Variants in PCSK5 observed in about 807,000 individuals in gnomAD.
PCSK5 encodes the protein prohormone convertase 5.
PCSK5 carries 129 observed loss-of-function variants against 233.2 expected under a neutral mutation model. The observed-to-expected ratio is 0.55, with a 90% CI of 0.48 to 0.64. The LOEUF (loss-of-function observed/expected upper bound fraction) is 0.64. Among genes scored for constraint, PCSK5 ranks in the 30% least tolerant of loss-of-function variants. PCSK5 has a pLI of 0.00. For synonymous variants in PCSK5, 825 were observed against 879.2 expected, an observed-to-expected ratio of 0.94 and a Z score of 1.09; for missense variants, 2,076 against 2,430.1, an observed-to-expected ratio of 0.85 and a Z score of 3.06.
intron 32 of PCSK5, 39 bp downstream of exon 32, chr9:76,323,327 G>C (rs1337712657): frequency 8.1e-7 from 1 of 1,237,942 alleles, no homozygotes; most frequent in East Asian, 2.3e-5. Context: ...TCCGGGGTTT[G>C]CATAGTTCCA....
chr9:76,234,899 G>A (rs1352642065), intron 22 of PCSK5, among the ~76,000 whole-genome samples: 1 of 152,158 alleles, frequency 6.6e-6, no homozygotes, highest in African/African-American at 2.4e-5. Context: ...TTCTCTGGCT[G>A]ATGTCTTCCT....
intron 27 of PCSK5, among the ~76,000 whole-genome samples, chr9:76,298,665 C>T (rs970111378): frequency 6.6e-6 from 1 of 151,670 alleles, no homozygotes; most frequent in Non-Finnish European, 1.5e-5. Context: ...AAAACAGGAT[C>T]GAGAGTGTAA....
chr9:76,316,434 C>T (rs954248023), intron 30 of PCSK5, among the ~76,000 whole-genome samples: 6 of 151,736 alleles, frequency 4.0e-5, no homozygotes, highest in African/African-American at 1.5e-4. Flanking sequence ...AATTTTCATT[C>T]GATTAGAAGA....
At chr9:75,960,807 C>T (rs1050910401) in intron 2 of PCSK5, among the ~76,000 whole-genome samples, 3 of 152,106 alleles carry the variant, frequency 2.0e-5, no homozygotes, top group African/African-American at 7.2e-5. Context: ...TTATACTCTT[C>T]CAGAATTTGA....
chr9:76,104,801 T>A lies in PCSK5; in HGVS notation c.1108-2450T>A, dbSNP rs1392688749. On this transcript the variant is annotated intron_variant, in intron 8 of 37. Transcript: ENST00000674117. ...AATCTTGAATCCAGGCACAAGTCAT[T>A]GAAAAAAAATAAAACTTGGACAAAG... Among the ~76,000 whole-genome samples, 6 of 149,324 alleles carry A rather than the reference T, an allele frequency of 4.0e-5. No individual in the cohort carries two copies. In the East Asian group the frequency reaches 1.2e-3, roughly 30 times the overall value.
At chr9:75,979,876 CTA>C (rs892460459) in intron 2 of PCSK5, among the ~76,000 whole-genome samples, 10 of 152,172 alleles carry the variant, frequency 6.6e-5, no homozygotes, top group African/African-American at 2.4e-4. Context: ...TCATCAATAA[CTA>C]TGAAAGTCAG....
At chr9:76,120,485 G>T (rs1832590583) in intron 9 of PCSK5, among the ~76,000 whole-genome samples, 1 of 151,864 alleles carries the variant, frequency 6.6e-6, no homozygotes, top group African/African-American at 2.4e-5. Context: ...CTTTTTATTG[G>T]CATATTAATG....
intron 2 of PCSK5, among the ~76,000 whole-genome samples, chr9:75,961,488 C>T (rs1162664574): frequency 1.3e-5 from 2 of 152,156 alleles, no homozygotes; most frequent in Non-Finnish European, 2.9e-5. Flanking sequence ...GTGGCTAGTA[C>T]GTCTGAGGAA....
In PCSK5 at chr9:76,186,091, T is replaced by G. The variant is rs141310521; in HGVS notation, c.2282+1334T>G. On this transcript the variant is annotated intron_variant, in intron 17 of 37. Coordinates refer to ENST00000674117, the MANE Select transcript of PCSK5 (RefSeq NM_001372043.1). ...AAAGATACAGGGGAAATGAGTTTAA[T>G]AAAATATTTTATTTCACCTAATATA... Among the ~76,000 whole-genome samples the G allele has an allele frequency of 5.6e-4, 86 of 152,286 alleles. No homozygotes were observed. In the East Asian group the frequency reaches 0.013, roughly 23 times the overall value.
At chr9:76,180,033 AC>A (rs1823780163) in intron 15 of PCSK5, among the ~76,000 whole-genome samples, 1 of 148,662 alleles carries the variant, frequency 6.7e-6, no homozygotes, top group Non-Finnish European at 1.5e-5. Flanking sequence ...ACAAGTAAAA[AC>A]TGCATGTATT....
rs114178571 is a variant in PCSK5 at position 75,923,660 on chromosome 9, C to T, written c.193-8719C>T. Among the ~76,000 whole-genome samples the T allele has an allele frequency of 1.2e-3, 177 of 152,256 alleles. 1 individual carries two copies. Among genetic ancestry groups the T allele is most frequent in the African/African-American group, 4.1e-3 (172 of 41,556 alleles). On this transcript the variant is annotated intron_variant, in intron 1 of 37. Transcript: ENST00000674117. The stretch of plus-strand genomic sequence containing the variant: ...TCTACCTTGTGTTAGGTTCCTATTG[C>T]TGCTGTAACAAATTACTACACAGTT...
At chr9:75,902,427 G>T (rs955846294) in intron 1 of PCSK5, among the ~76,000 whole-genome samples, 3 of 152,044 alleles carry the variant, frequency 2.0e-5, no homozygotes, top group South Asian at 2.1e-4. Flanking sequence ...GAATAGGGTG[G>T]CCATAGCGGC....
intron 9 of PCSK5, among the ~76,000 whole-genome samples, chr9:76,116,638 T>G (rs1400835447): frequency 6.6e-6 from 1 of 152,126 alleles, no homozygotes; most frequent in East Asian, 1.9e-4. Context: ...AATGAATGCT[T>G]TATGCCAAAT....
chr9:76,230,689 C>A (rs1247235613), intron 21 of PCSK5, among the ~76,000 whole-genome samples: 2 of 152,190 alleles, frequency 1.3e-5, no homozygotes, highest in African/African-American at 2.4e-5. Context: ...TCTCCTGTCA[C>A]ATCAGCAGCA....
At chr9:76,228,234 G>T (rs1368247155) in intron 21 of PCSK5, among the ~76,000 whole-genome samples, 1 of 152,038 alleles carries the variant, frequency 6.6e-6, no homozygotes, top group Non-Finnish European at 1.5e-5. Flanking sequence ...TTGACCTCCT[G>T]CCCTCAGGTG....
chr9:76,333,228 C>A (rs149619186), intron 34 of PCSK5, among the ~76,000 whole-genome samples: 297 of 152,270 alleles, frequency 2.0e-3, no homozygotes, highest in African/African-American at 6.6e-3. Flanking sequence ...AAGGCAGAAG[C>A]AAAGCATCCT....
At chr9:76,142,195 G>A (rs1823258119) in intron 10 of PCSK5, among the ~76,000 whole-genome samples, 1 of 151,334 alleles carries the variant, frequency 6.6e-6, no homozygotes, top group African/African-American at 2.4e-5. Flanking sequence ...CTCTTTTATT[G>A]CTATCTAGTA....
At chr9:76,210,132 T>C (rs1469433111) in intron 20 of PCSK5, among the ~76,000 whole-genome samples, 1 of 152,088 alleles carries the variant, frequency 6.6e-6, no homozygotes, top group African/African-American at 2.4e-5. Context: ...AGAGTTTTTT[T>C]AGGGGAGGTC....
chr9:76,157,349 A>G lies in PCSK5; in HGVS notation c.1430+187A>G, dbSNP rs143170689. ...GTTAAATTCGTACTAGTATAGCCCA[A>G]GAATCCTTCAAAGAAAAGCATCTTT... On this transcript the variant is annotated intron_variant, in intron 11 of 37. Transcript: ENST00000674117. Among the ~76,000 whole-genome samples the G allele has an allele frequency of 3.9e-5, 6 of 152,308 alleles. No individual in the cohort carries two copies. The East Asian group carries it at 1.2e-3, about 29-fold the overall frequency.
Sources: gnomAD v4.1 joint callset for allele counts (sites outside exome capture counted in the v4.1 genomes callset) on GRCh38, gnomAD v4.1.1 for gene constraint, MANE v1.5 for transcripts, NCBI Gene and HGNC (gene_info 2026-07-23, HGNC 2026-07-21) for gene names.